The following P3H1 variants were observed in gnomAD, a reference collection of about 807,000 sequenced individuals.
P3H1 encodes the protein prolyl 3-hydroxylase 1, also known as growth suppressor 1.
Under a neutral mutation model 84.0 loss-of-function variants are expected in P3H1, and 69 were observed. The observed-to-expected ratio is 0.82, with a 90% CI of 0.68 to 1.00. The LOEUF is 1.00. P3H1 is among the 50% of genes least tolerant of loss of function. The pLI, the probability that P3H1 is intolerant of heterozygous loss-of-function variation, is 0.00. For synonymous variants in P3H1, 366 were observed against 388.8 expected (o/e 0.94, Z 0.69); for missense variants, 878 against 962.8 (o/e 0.91, Z 1.17).
intron 1 of P3H1, 70 bp from the exon 2 acceptor site, chr1:42,762,545 A>T: frequency 2.6e-6 from 4 of 1,549,054 alleles, no homozygotes; most frequent in Non-Finnish European, 3.6e-6. Flanking sequence ...CCACATGAGC[A>T]GTCCACATAA....
rs1376371055 is a variant in P3H1, at chr1:42,750,353, T to C, written c.1570-17A>G. On this transcript the variant is annotated splice_polypyrimidine_tract_variant and intron_variant, in intron 10 of 14. Transcript: ENST00000296388. ...TTGCCCCAGCTGCCAAGGAGACAGA[T>C]GGTCAGCTGCCCTCAACGACTGATA... 9 of 1,613,734 alleles carry C rather than the reference T, an allele frequency of 5.6e-6. No homozygotes were observed. Among genetic ancestry groups the C allele is most frequent in the Admixed American group, 3.3e-5 (2 of 59,986 alleles).
At chr1:42,750,538 T>TA (rs1005529450) in intron 10 of P3H1, among the ~76,000 whole-genome samples, 48 of 152,132 alleles carry the variant, frequency 3.2e-4, no homozygotes, top group African/African-American at 1.1e-3. Context: ...CTGGTGGCTT[T>TA]AAAAAAATGG....
At chr1:42,747,535 C>A (rs1651797801) in intron 13 of P3H1, 123 bp from the exon 14 acceptor site, 2 of 1,143,920 alleles carry the variant, frequency 1.7e-6, no homozygotes, top group Admixed American at 3.5e-5. Context: ...TTCCCTAAGA[C>A]CAGAACTAAA....
Position 42,748,298 on chromosome 1 carries a change from C to T in P3H1, c.1740G>A (p.Lys580=), listed in dbSNP as rs201381243. The T allele has an allele frequency of 4.2e-5, 68 of 1,613,872 alleles. No homozygotes were observed. In the African/African-American group the frequency reaches 8.4e-4, roughly 20 times the overall value. Residue 580 remains lysine (K), a synonymous_variant, in exon 12 of 15, where the codon AAG becomes AAA. Transcript: ENST00000296388. ...CCACGTGGACTGGATGACTATCATC[C>T]TTCCTCTCTGCCTGGACCTCTGGGG... ...TAIEEVQAER[K]DDSHPVHVDN...
rs563775834 is a variant in P3H1 at position 42,763,897 on chromosome 1, C to A, written c.466-1422G>T. 4.6e-5 allele frequency among the ~76,000 whole-genome samples: 7 copies of A among 152,128 alleles called. No homozygotes were observed. The East Asian group carries it at 1.4e-3, about 29-fold the overall frequency. On this transcript the variant is annotated intron_variant, in intron 1 of 14. Coordinates refer to ENST00000296388, the MANE Select transcript of P3H1 (RefSeq NM_022356.4). ...CGGGGGTTCACGCCTATAATCCCAGCACTTTGGGAGGCTGAGGCGGGCGGA... is the reference window on the plus strand; with the variant it reads ...CGGGGGTTCACGCCTATAATCCCAGAACTTTGGGAGGCTGAGGCGGGCGGA...
At chr1:42,750,803 G>A (rs71518463) in intron 10 of P3H1, among the ~76,000 whole-genome samples, 73,977 of 129,360 alleles carry the variant, frequency 0.57, 18,978 homozygotes, top group South Asian at 0.68. Flanking sequence ...CAGCCGCCCC[G>A]TCCGGGAGGG....
intron 1 of P3H1, among the ~76,000 whole-genome samples, chr1:42,764,423 C>CAAAAAAAAA (rs769981372): frequency 9.4e-5 from 8 of 84,852 alleles, no homozygotes; most frequent in African/African-American, 1.4e-4. Flanking sequence ...GACTCCATCT[C>CAAAAAAAAA]AAAAAAAAAA....
intron 14 of P3H1, 196 bp from the exon 15 acceptor site, chr1:42,747,048 C>A: frequency 6.2e-7 from 1 of 1,614,194 alleles, no homozygotes; most frequent in Non-Finnish European, 8.5e-7. Context: ...AGCATCGCTC[C>A]CTGTCTTGAC....
chr1:42,750,071 G>C, intron 11 of P3H1, 115 bp downstream of exon 11: 1 of 1,259,348 alleles, frequency 7.9e-7, no homozygotes, highest in Non-Finnish European at 1.1e-6. Flanking sequence ...TATTTACATT[G>C]GTTCCCCAAC....
At position 42,747,286 on chromosome 1, in the gene P3H1, G is replaced by A. The variant is rs72659356; in HGVS notation, c.2041C>T (p.Arg681Ter). The change falls in exon 14 of 15, where the codon CGA becomes TGA. Residue 681 changes from arginine (R) to a stop codon, truncating the protein, a stop_gained. Transcript: ENST00000296388. LOFTEE classifies it high-confidence loss of function. ...GCTGCTCTCACCCGCTCGCTGTGTC[G>A]AGGGTCCAGGGTGAACCACAGGGCG... The part of the protein sequence containing the change: ...AIALWFTLDP[R>*]HSERDRVQAD... 1.7e-5 allele frequency: 28 copies of A among 1,613,866 alleles called. No homozygotes were observed. The highest frequency in any genetic ancestry group is 2.2e-5 in the Non-Finnish European group (26 of 1,179,950).
At chr1:42,749,970 C>G in intron 11 of P3H1, 1 of 587,284 alleles carries the variant, frequency 1.7e-6, no homozygotes, top group Non-Finnish European at 3.0e-6. Flanking sequence ...CACCCCATTT[C>G]CCTCTGGGAA....
chr1:42,755,420 C>T, intron 6 of P3H1, 128 bp downstream of exon 6: 1 of 1,002,722 alleles, frequency 1.0e-6, no homozygotes, highest in South Asian at 1.3e-5. Flanking sequence ...CTGCCTTGCA[C>T]AGATCCCAGG....
chr1:42,757,824 T>C lies in P3H1; in HGVS notation c.1039A>G (p.Met347Val), dbSNP rs773746646. Reference protein sequence around the residue: ...MNQNLAYYAAMLGEEHTRSIG... With the variant: ...MNQNLAYYAAVLGEEHTRSIG... ...GATCTGGTGTGTTCTTCTCCAAGCA[T>C]AGCTGCATAATAGGCCAAATTTTGG... Residue 347 changes from methionine (M) to valine (V), a missense_variant, in exon 5 of 15, where the codon ATG (methionine) becomes GTG (valine). Transcript: ENST00000296388. 3 of 1,614,084 alleles carry C rather than the reference T, an allele frequency of 1.9e-6. No individual in the cohort carries two copies. Among genetic ancestry groups the C allele is most frequent in the South Asian group, 1.1e-5 (1 of 91,086 alleles).
rs1423398759 is a variant in P3H1 at position 42,750,662 on chromosome 1, T to C, written c.1570-326A>G. ...CCGGGAGGGAGGCCGGGGGGGGTGG[T>C]CGGCCAGCCGCCCCGTCCGGGAGGG... On this transcript the variant is annotated intron_variant, in intron 10 of 14. Transcript: ENST00000296388. Among the ~76,000 whole-genome samples, 68 of 53,742 alleles carry C rather than the reference T, an allele frequency of 1.3e-3. 10 individuals are homozygous for C. The highest frequency in any genetic ancestry group is 5.4e-3 in the Admixed American group (25 of 4,596). 35.3% of individuals were successfully genotyped at this position (53,742 alleles called of 152,430 possible).
rs1653007536 is a variant in P3H1, at chr1:42,766,519, G to A, written c.453C>T (p.Val151=). 1 of 1,611,096 alleles carries A rather than the reference G, an allele frequency of 6.2e-7. No individual in the cohort carries two copies. Among genetic ancestry groups the A allele is most frequent in the South Asian group, 1.1e-5 (1 of 90,544 alleles). ...RKRSPYNYLQ[V]AYFKINKLEK... ...GGCAGGTCTGCACCTTGAAGTAGGC[G>A]ACCTGCAGGTAGTTGTAGGGGCTCC... Residue 151 remains valine (V), a synonymous_variant, in exon 1 of 15, where the codon GTC becomes GTT. Transcript: ENST00000296388.
Position 42,766,943 on chromosome 1 carries a change from G to A in P3H1, c.29C>T (p.Thr10Ile). 1 of 1,609,402 alleles carries A rather than the reference G, an allele frequency of 6.2e-7. No individual in the cohort carries two copies. Among genetic ancestry groups the A allele is most frequent in the South Asian group, 1.1e-5 (1 of 91,080 alleles). MAVRALKLL[T>I]TLLAVVAAAS... ...AGCGGCCACGACAGCCAGCAGTGTG[G>A]TCAGCAGCTTCAACGCGCGTACCGC... The change falls in exon 1 of 15, where the codon ACC becomes ATC. Residue 10 changes from threonine (T) to isoleucine (I), a missense_variant. Thr to Ile is a moderately conservative substitution (Grantham distance 89). Transcript: ENST00000296388.
rs543352992 is a variant in P3H1 at position 42,754,291 on chromosome 1, G to A, written c.1345+578C>T. Among the ~76,000 whole-genome samples the A allele has an allele frequency of 1.2e-4, 18 of 152,252 alleles. No individual in the cohort carries two copies. Among genetic ancestry groups the A allele is most frequent in the African/African-American group, 3.4e-4 (14 of 41,548 alleles). ...CGGAAAAGGCTGGGGAGAGAGCTGA[G>A]AAGCACTGCAGAGCAGAGCCACAAT... On this transcript the variant is annotated intron_variant, in intron 8 of 14. Coordinates refer to ENST00000296388, the MANE Select transcript of P3H1 (RefSeq NM_022356.4). This position sits in a 1 kb window ranked among gnomAD's most constrained non-coding sequence, Gnocchi z 4.0.
In P3H1 at chr1:42,759,380, C is replaced by A; in HGVS notation, c.629G>T (p.Arg210Leu). The A allele has an allele frequency of 6.2e-7, 1 of 1,614,008 alleles. No homozygotes were observed. Among genetic ancestry groups the A allele is most frequent in the Non-Finnish European group, 8.5e-7 (1 of 1,180,000 alleles). The change falls in exon 3 of 15, where the codon CGA becomes CTA. Residue 210 changes from arginine (R) to leucine (L), a missense_variant. Transcript: ENST00000296388. ...CTCTGAGTAGAGTCGCACTCCCAGT[C>A]GAAATTCTTGCTACTGGGAAGAAGG... ...LETQPHMQEF[R>L]LGVRLYSEEQ...
intron 11 of P3H1, 68 bp from the exon 12 acceptor site, chr1:42,748,385 G>T: frequency 8.3e-7 from 1 of 1,204,538 alleles, no homozygotes; most frequent in Non-Finnish European, 1.2e-6. Flanking sequence ...CTTCTTGGCA[G>T]GGGAGGTGCT....
Sources: gnomAD v4.1 joint callset for allele counts (sites outside exome capture counted in the v4.1 genomes callset) on GRCh38, gnomAD v4.1.1 for gene constraint, Gnocchi (gnomAD v3.1) non-coding constraint, MANE v1.5 for transcripts, NCBI Gene and HGNC (gene_info 2026-07-23, HGNC 2026-07-21) for gene names.